The following DACH1 variants were observed in gnomAD, a reference collection of about 807,000 sequenced individuals.
The protein encoded by DACH1 is dachshund homolog 1.
In DACH1, 12 loss-of-function variants were observed where a neutral mutation model predicts 54.2. That is an observed-to-expected ratio of 0.22 (90% confidence interval 0.14 to 0.36). The LOEUF is 0.36. Among genes scored for constraint, DACH1 ranks in the 10% least tolerant of loss-of-function variants. DACH1 has a pLI of 1.00. For missense variants in DACH1, 805 were observed against 929.8 expected, an observed-to-expected ratio of 0.87 and a Z score of 1.75; for synonymous variants, 386 against 366.2, an observed-to-expected ratio of 1.05 and a Z score of -0.62.
At chr13:71,834,335 G>C (rs1476915674) in intron 1 of DACH1, among the ~76,000 whole-genome samples, 1 of 151,942 alleles carries the variant, frequency 6.6e-6, no homozygotes, top group African/African-American at 2.4e-5. Flanking sequence ...ATAAAAACAG[G>C]GTTATGAGGG....
chr13:71,485,838 C>T (rs1029616326), intron 7 of DACH1, among the ~76,000 whole-genome samples: 1 of 151,698 alleles, frequency 6.6e-6, no homozygotes, highest in Non-Finnish European at 1.5e-5. Context: ...ACCTAGGCCT[C>T]CCAAAGTGCT....
intron 6 of DACH1, among the ~76,000 whole-genome samples, chr13:71,503,036 T>G (rs957727288): frequency 2.0e-5 from 3 of 152,212 alleles, no homozygotes; most frequent in African/African-American, 7.2e-5. Context: ...GGGTCCCTTC[T>G]TTCCCATCTT....
intron 1 of DACH1, among the ~76,000 whole-genome samples, chr13:71,827,303 G>A (rs1320957895): frequency 6.6e-6 from 1 of 151,998 alleles, no homozygotes; most frequent in African/African-American, 2.4e-5. Context: ...TTACAACTCC[G>A]TGAACTAGAT....
chr13:71,770,837 C>G (rs1052182868), intron 1 of DACH1, among the ~76,000 whole-genome samples: 7 of 151,458 alleles, frequency 4.6e-5, no homozygotes, highest in Non-Finnish European at 8.9e-5. Flanking sequence ...AGCCAGGTGC[C>G]TCTTTCCCTC....
rs1294404063 is a variant in DACH1, at chr13:71,440,245, G to T, written c.*410C>A. 6.5e-6 allele frequency: 1 copy of T among 154,540 alleles called. No individual in the cohort carries two copies. The highest frequency in any genetic ancestry group is 1.4e-5 in the Non-Finnish European group (1 of 69,864). 9.6% of individuals were successfully genotyped at this position (154,540 alleles called of 1,614,324 possible). A position where few individuals can be genotyped will look rare whatever the true frequency, so the allele number is the denominator to read the frequency against. On this transcript the variant is annotated 3_prime_UTR_variant, in exon 11 of 11. Coordinates refer to ENST00000613252, the MANE Select transcript of DACH1 (RefSeq NM_080759.6). Reference sequence around the variant, plus strand: ...GCTGGTTTCTGGAGGACATAATTCTGTAAGTCTGGGTAACCACTGCTACAA... The same window carrying T: ...GCTGGTTTCTGGAGGACATAATTCTTTAAGTCTGGGTAACCACTGCTACAA...
At chr13:71,767,284 T>G (rs2138025359) in intron 1 of DACH1, among the ~76,000 whole-genome samples, 1 of 152,188 alleles carries the variant, frequency 6.6e-6, no homozygotes, top group Non-Finnish European at 1.5e-5. Flanking sequence ...ATTAAAACTG[T>G]TATAAGAATC....
At chr13:71,461,102 T>A (rs1268643832) in intron 10 of DACH1, among the ~76,000 whole-genome samples, 2 of 152,088 alleles carry the variant, frequency 1.3e-5, no homozygotes, top group Non-Finnish European at 2.9e-5. Context: ...CTTCTGCAAT[T>A]TCTTTAAATG....
chr13:71,567,424 A>G (rs1884957042), intron 4 of DACH1, among the ~76,000 whole-genome samples: 1 of 151,916 alleles, frequency 6.6e-6, no homozygotes, highest in African/African-American at 2.4e-5. Flanking sequence ...AATTTTTATT[A>G]GGTAAAATGA....
chr13:71,803,367 TTAAC>T (rs1326231849), intron 1 of DACH1, among the ~76,000 whole-genome samples: 1 of 152,192 alleles, frequency 6.6e-6, no homozygotes, highest in Non-Finnish European at 1.5e-5. Flanking sequence ...TTTGATGCGT[TTAAC>T]TAGGATAGTT....
In DACH1 at chr13:71,519,851, A is replaced by G. The variant is rs558905636; in HGVS notation, c.1571-30703T>C. On this transcript the variant is annotated intron_variant, in intron 6 of 10. Coordinates refer to ENST00000613252, the MANE Select transcript of DACH1 (RefSeq NM_080759.6). The stretch of plus-strand genomic sequence containing the variant: ...TCACCACAAATGTTTCAGATCATTT[A>G]TTGTTTAGATGTTTGTGTCCAAACC... 6.3e-4 allele frequency among the ~76,000 whole-genome samples: 77 copies of G among 121,724 alleles called. 2 individuals carry two copies. Among genetic ancestry groups the G allele is most frequent in the South Asian group, 5.5e-4 (2 of 3,618 alleles). 79.9% of individuals were successfully genotyped at this position (121,724 alleles called of 152,430 possible). A position where few individuals can be genotyped will look rare whatever the true frequency, so the allele number is the denominator to read the frequency against.
intron 1 of DACH1, among the ~76,000 whole-genome samples, chr13:71,693,296 CTTTTTTTTTT>C (rs869289138): frequency 1.2e-4 from 11 of 90,962 alleles, no homozygotes; most frequent in African/African-American, 4.6e-4. Flanking sequence ...ATTTGTTTTG[CTTTTTTTTTT>C]TTTTTTTTTT....
At chr13:71,662,707 A>G (rs558158843) in intron 2 of DACH1, among the ~76,000 whole-genome samples, 1 of 152,030 alleles carries the variant, frequency 6.6e-6, no homozygotes, top group South Asian at 2.1e-4. Context: ...TTTTCCACAA[A>G]AAATATTGCT....
chr13:71,843,609 T>C (rs966159360), intron 1 of DACH1, among the ~76,000 whole-genome samples: 2 of 152,174 alleles, frequency 1.3e-5, no homozygotes, highest in African/African-American at 4.8e-5. Context: ...TAGGATTCTA[T>C]TGGATTTTGA....
chr13:71,466,286 T>C (rs559408487), intron 10 of DACH1, among the ~76,000 whole-genome samples: 1 of 152,338 alleles, frequency 6.6e-6, no homozygotes, highest in Non-Finnish European at 1.5e-5. Flanking sequence ...TTCCAGATAC[T>C]ATTTAAGCCC....
Position 71,698,870 on chromosome 13 carries a change from T to A in DACH1, c.849-16960A>T, listed in dbSNP as rs932570218. ...TGTGTTCTATTTATTTATTTTTAAA[T>A]CAGAGAAACACGGAAGGTACTAGGG... is the stretch of plus-strand genomic sequence containing the variant. On this transcript the variant is annotated intron_variant, in intron 1 of 10. Coordinates refer to ENST00000613252, the MANE Select transcript of DACH1 (RefSeq NM_080759.6). 4.6e-5 allele frequency among the ~76,000 whole-genome samples: 7 copies of A among 152,246 alleles called. No homozygotes were observed. In the East Asian group the frequency reaches 1.4e-3, roughly 29 times the overall value.
chr13:71,571,309 A>G (rs974897081), intron 4 of DACH1, among the ~76,000 whole-genome samples: 9 of 152,320 alleles, frequency 5.9e-5, no homozygotes, highest in African/African-American at 1.9e-4. Context: ...GGGAAGACTT[A>G]AATGGGTTTT....
chr13:71,451,868 T>C (rs1240478880), intron 10 of DACH1, among the ~76,000 whole-genome samples: 3 of 152,302 alleles, frequency 2.0e-5, no homozygotes, highest in African/African-American at 2.4e-5. Flanking sequence ...CTGATAAATA[T>C]ACTGTGTTTG....
At chr13:71,550,816 T>G (rs1404171206) in intron 6 of DACH1, among the ~76,000 whole-genome samples, 1 of 152,110 alleles carries the variant, frequency 6.6e-6, no homozygotes, top group Admixed American at 6.6e-5. Flanking sequence ...CAACACTTAT[T>G]TTCGAGGCAT....
intron 6 of DACH1, among the ~76,000 whole-genome samples, chr13:71,547,073 T>G (rs1883510541): frequency 6.6e-6 from 1 of 152,046 alleles, no homozygotes; most frequent in Non-Finnish European, 1.5e-5. Context: ...CCTTGCACAG[T>G]CCTCATTAGA....
Sources: allele counts gnomAD v4.1 joint callset (sites outside exome capture counted in the v4.1 genomes callset), GRCh38; gene constraint gnomAD v4.1.1; transcripts MANE v1.5; gene names NCBI Gene and HGNC (gene_info 2026-07-23, HGNC 2026-07-21).